The following SYT2 variants were observed in gnomAD, a reference collection of about 807,000 sequenced individuals.
SYT2 encodes the protein synaptotagmin 2.
SYT2 carries 15 observed loss-of-function variants against 39.9 expected under a neutral mutation model. The ratio of observed to expected loss-of-function variants is 0.38; its 90% CI spans 0.25 to 0.58. The LOEUF is 0.58. Among genes scored for constraint, SYT2 ranks in the 20% least tolerant of loss-of-function variants. The pLI, the probability that SYT2 is intolerant of heterozygous loss-of-function variation, is 0.70. For missense variants in SYT2, 389 were observed against 530.3 expected, an observed-to-expected ratio of 0.73 and a Z score of 2.62; for synonymous variants, 181 against 204.5, an observed-to-expected ratio of 0.89 and a Z score of 0.98.
rs1692123479 is a variant in SYT2 at position 202,648,069 on chromosome 1, A to G, written c.-17-42280T>C. 2.0e-5 allele frequency among the ~76,000 whole-genome samples: 3 copies of G among 152,244 alleles called. No individual in the cohort carries two copies. In the South Asian group the frequency reaches 6.2e-4, roughly 31 times the overall value. ...CCCTATGTCTCATCCATAAAATGGA[A>G]CAGAAACAGTATTTACCTCATGCAA... is the stretch of plus-strand genomic sequence containing the variant. On this transcript the variant is annotated intron_variant, in intron 1 of 8. Transcript: ENST00000367268.
intron 1 of SYT2, among the ~76,000 whole-genome samples, chr1:202,662,345 C>T (rs1317437182): frequency 6.6e-6 from 1 of 152,250 alleles, no homozygotes; most frequent in African/African-American, 2.4e-5. Context: ...TAATTGATCC[C>T]CCTGCCTGGG....
rs1345378385 is a variant in SYT2 at position 202,604,479 on chromosome 1, G to A, written c.321C>T (p.Asn107=). 4 of 1,614,176 alleles carry A rather than the reference G, an allele frequency of 2.5e-6. No homozygotes were observed. The Admixed American group carries it at 5.0e-5, about 20-fold the overall frequency. ...CCTGACCCCCTTTCATGTCCTTCAT[G>A]TTCATGGCATTCTTCATGCCTTTGC... ...EKGKGMKNAM[N]MKDMKGGQDD... The change falls in exon 3 of 9, where the codon AAC becomes AAT. Residue 107 remains asparagine, a synonymous_variant. Coordinates refer to ENST00000367268, the MANE Select transcript of SYT2 (RefSeq NM_177402.5).
intron 1 of SYT2, among the ~76,000 whole-genome samples, chr1:202,622,593 A>G (rs541110908): frequency 1.3e-5 from 2 of 152,198 alleles, no homozygotes; most frequent in South Asian, 2.1e-4. Context: ...TCAGAATCCA[A>G]TGGCTGAGGA....
intron 1 of SYT2, among the ~76,000 whole-genome samples, chr1:202,660,769 C>T (rs766660821): frequency 6.6e-6 from 1 of 152,132 alleles, no homozygotes; most frequent in Non-Finnish European, 1.5e-5. Context: ...AGGTATAAGC[C>T]ACCGCGTCAT....
chr1:202,702,178 T>C, intron 1 of SYT2, among the ~76,000 whole-genome samples: 1 of 152,156 alleles, frequency 6.6e-6, no homozygotes, highest in East Asian at 1.9e-4. Context: ...GTAGGAGACC[T>C]AATGGGGGTG....
intron 1 of SYT2, among the ~76,000 whole-genome samples, chr1:202,679,908 T>TCCATGTTGC (rs1653482662): frequency 6.6e-6 from 1 of 152,176 alleles, no homozygotes; most frequent in South Asian, 2.1e-4. Flanking sequence ...TCTACTGTCA[T>TCCATGTTGC]CCATGTTGCT....
intron 1 of SYT2, among the ~76,000 whole-genome samples, chr1:202,629,657 T>G (rs1381346889): frequency 6.6e-6 from 1 of 151,998 alleles, no homozygotes; most frequent in Admixed American, 6.6e-5. Flanking sequence ...TCCCGGCACT[T>G]TGGGAGGTTG....
intron 1 of SYT2, among the ~76,000 whole-genome samples, chr1:202,643,840 C>T (rs905882562): frequency 6.6e-6 from 1 of 152,124 alleles, no homozygotes; most frequent in African/African-American, 2.4e-5. Flanking sequence ...GAGGAGTCCC[C>T]GCCAGCTCCG....
intron 1 of SYT2, among the ~76,000 whole-genome samples, chr1:202,626,663 A>G (rs200493254): frequency 6.6e-6 from 1 of 151,888 alleles, no homozygotes; most frequent in African/African-American, 2.4e-5. Context: ...CACCGCATGC[A>G]GCCTAGATAG....
intron 3 of SYT2, 87 bp from the exon 4 acceptor site, chr1:202,603,205 C>T (rs555289533): frequency 7.8e-5 from 120 of 1,542,992 alleles, no homozygotes; most frequent in South Asian, 7.5e-4. Context: ...AAACCAGCCC[C>T]TCTGTGGTAG....
intron 1 of SYT2, among the ~76,000 whole-genome samples, chr1:202,709,511 T>G (rs1425497884): frequency 6.6e-6 from 1 of 152,038 alleles, no homozygotes; most frequent in Non-Finnish European, 1.5e-5. Flanking sequence ...ATGGGAAAGG[T>G]ACATGGAAGA....
chr1:202,686,579 C>A (rs1653674649), intron 1 of SYT2, among the ~76,000 whole-genome samples: 1 of 152,132 alleles, frequency 6.6e-6, no homozygotes, highest in Non-Finnish European at 1.5e-5. Context: ...CTCAGGTCCT[C>A]CTGAGGGGCC....
rs759167957 is a variant in SYT2 at position 202,600,477 on chromosome 1, G to C, written c.802-3C>G. ...CAGATGTCGCCCAGCTTCTCCGGCT[G>C]TCCAGGGGAAGAGCAGGACTTGGGT... On this transcript the variant is annotated splice_region_variant and splice_polypyrimidine_tract_variant and intron_variant, in intron 6 of 8. Coordinates refer to ENST00000367268, the MANE Select transcript of SYT2 (RefSeq NM_177402.5). 1.2e-6 allele frequency: 2 copies of C among 1,613,924 alleles called. No individual in the cohort carries two copies. Among genetic ancestry groups the C allele is most frequent in the Non-Finnish European group, 1.7e-6 (2 of 1,179,794 alleles).
chr1:202,622,769 C>T (rs1691240017), intron 1 of SYT2, among the ~76,000 whole-genome samples: 1 of 152,164 alleles, frequency 6.6e-6, no homozygotes, highest in Non-Finnish European at 1.5e-5. Flanking sequence ...GCACCTCACA[C>T]CTGCCTCGGA....
chr1:202,688,214 T>C (rs1429919156), intron 1 of SYT2, among the ~76,000 whole-genome samples: 2 of 152,216 alleles, frequency 1.3e-5, no homozygotes, highest in Non-Finnish European at 2.9e-5. Flanking sequence ...ACTTTCTGAG[T>C]CTCAGCTTCC....
At chr1:202,636,795 A>G (rs973722045) in intron 1 of SYT2, among the ~76,000 whole-genome samples, 4 of 152,258 alleles carry the variant, frequency 2.6e-5, no homozygotes, top group Admixed American at 2.0e-4. Flanking sequence ...ATAGTCATAC[A>G]TTAAATCCTC....
In SYT2 at chr1:202,657,071, T is replaced by C. The variant is rs570680815; in HGVS notation, c.-17-51282A>G. Among the ~76,000 whole-genome samples the C allele has an allele frequency of 3.3e-5, 5 of 152,314 alleles. No individual in the cohort carries two copies. The East Asian group carries it at 7.7e-4, about 24-fold the overall frequency. On this transcript the variant is annotated intron_variant, in intron 1 of 8. Transcript: ENST00000367268. ...CTGGCCAAATTCTTCCGGGCACAGC[T>C]CATTTTTGTGTATGTCCTTTTTAAA...
intron 1 of SYT2, among the ~76,000 whole-genome samples, chr1:202,654,481 A>T (rs1293586291): frequency 6.6e-6 from 1 of 152,184 alleles, no homozygotes; most frequent in African/African-American, 2.4e-5. Context: ...ACTCCTGCCA[A>T]TTCATTCATC....
chr1:202,651,302 T>G (rs1692190500), intron 1 of SYT2, among the ~76,000 whole-genome samples: 1 of 151,282 alleles, frequency 6.6e-6, no homozygotes, highest in Admixed American at 6.6e-5. Context: ...CTTCTGGATC[T>G]CTGGCATGTG....
Sources: allele counts gnomAD v4.1 joint callset (sites outside exome capture counted in the v4.1 genomes callset), GRCh38; gene constraint gnomAD v4.1.1; transcripts MANE v1.5; gene names NCBI Gene and HGNC (gene_info 2026-07-23, HGNC 2026-07-21).